SLC5A8: variants seen among roughly 807,000 people sequenced by gnomAD.
The protein encoded by SLC5A8 is solute carrier family 5 member 8.
A neutral mutation model predicts 71.9 loss-of-function variants in SLC5A8; 55 were observed. The observed-to-expected ratio is 0.77, with a 90% CI of 0.62 to 0.96. The LOEUF is 0.96. SLC5A8 is among the 40% of genes least tolerant of loss of function. The pLI is 0.00. For missense variants in SLC5A8, 701 were observed against 745.3 expected (o/e 0.94, Z 0.69); for synonymous variants, 307 against 276.1 (o/e 1.11, Z -1.11).
chr12:101,196,216 T>C (rs896572239), intron 3 of SLC5A8, among the ~76,000 whole-genome samples: 2 of 152,192 alleles, frequency 1.3e-5, no homozygotes, highest in Admixed American at 6.5e-5. Flanking sequence ...TGTGTGTCCA[T>C]GTAAACACGC....
At chr12:101,172,426 T>C (rs766240549) in intron 10 of SLC5A8, among the ~76,000 whole-genome samples, 1 of 152,014 alleles carries the variant, frequency 6.6e-6, no homozygotes, top group Non-Finnish European at 1.5e-5. Flanking sequence ...TAAGGAGAGT[T>C]TGCAGGAATT....
chr12:101,185,797 C>G (rs1426770943), intron 7 of SLC5A8, among the ~76,000 whole-genome samples: 1 of 152,116 alleles, frequency 6.6e-6, no homozygotes, highest in Non-Finnish European at 1.5e-5. Flanking sequence ...AGGCTGGTCT[C>G]GAACTCCTGA....
intron 13 of SLC5A8, among the ~76,000 whole-genome samples, chr12:101,158,588 CTCTCTCTCTCTATATA>C (rs1433765455): frequency 3.0e-3 from 113 of 38,038 alleles, no homozygotes; most frequent in Admixed American, 8.0e-3. Context: ...CTCTCTCTCT[CTCTCTCTCTCTATATA>C]TATATATATA....
chr12:101,186,103 C>G (rs1278673606), intron 7 of SLC5A8, among the ~76,000 whole-genome samples: 1 of 147,682 alleles, frequency 6.8e-6, no homozygotes, highest in Non-Finnish European at 1.5e-5. Context: ...TTTTTTTGGC[C>G]CAGGGTAAAG....
chr12:101,189,481 A>C (rs1593377067), intron 6 of SLC5A8, among the ~76,000 whole-genome samples: 1 of 152,048 alleles, frequency 6.6e-6, no homozygotes, highest in Admixed American at 6.6e-5. Flanking sequence ...CCCTCACCCT[A>C]TCCACCCTGG....
In SLC5A8 at chr12:101,180,087, T is replaced by C; in HGVS notation, c.1175A>G (p.Tyr392Cys). The change falls in exon 10 of 15, where the codon TAT becomes TGT. Residue 392 changes from tyrosine to cysteine, a missense_variant. Physicochemically the swap from Tyr to Cys is radical, Grantham distance 194 (BLOSUM62 -2). Transcript: ENST00000536262. ...AGCCATTCCAATACACAGGGCTCCA[T>C]ACACCACACCTAAATGGACAACATA... ...SWISQGMSVV[Y>C]GALCIGMAAL... 1 of 1,614,084 alleles carries C rather than the reference T, an allele frequency of 6.2e-7. No homozygotes were observed. Among genetic ancestry groups the C allele is most frequent in the Non-Finnish European group, 8.5e-7 (1 of 1,179,992 alleles).
chr12:101,209,810 C>G lies in SLC5A8; in HGVS notation c.39G>C (p.Trp13Cys), dbSNP rs746545595. The change falls in exon 1 of 15, where the codon TGG becomes TGC. Residue 13 changes from tryptophan to cysteine, a missense_variant. Physicochemically the swap from Trp to Cys is radical, Grantham distance 215 (BLOSUM62 -2). Coordinates refer to ENST00000536262, the MANE Select transcript of SLC5A8 (RefSeq NM_145913.5). ...GCATGCCCGCGAACACCACGTAGTC[C>G]CACACCACGAAGGTGCCGATGCCCC... ...TPRGIGTFVV[W>C]DYVVFAGMLV... The G allele has an allele frequency of 6.3e-7, 1 of 1,590,348 alleles. No individual in the cohort carries two copies. Among genetic ancestry groups the G allele is most frequent in the South Asian group, 1.1e-5 (1 of 87,602 alleles).
At chr12:101,162,565 A>G (rs116098946) in intron 12 of SLC5A8, among the ~76,000 whole-genome samples, 6,535 of 152,322 alleles carry the variant, frequency 0.043, 482 homozygotes, top group African/African-American at 0.15. Context: ...TGCAGCCATG[A>G]AAAAAGAACA....
At chr12:101,172,082 C>A (rs1471149873) in intron 10 of SLC5A8, among the ~76,000 whole-genome samples, 1 of 152,076 alleles carries the variant, frequency 6.6e-6, no homozygotes, top group East Asian at 1.9e-4. Context: ...GTCAAAGATC[C>A]AAAATCGTGA....
At chr12:101,188,414 C>T (rs1240116752) in intron 6 of SLC5A8, among the ~76,000 whole-genome samples, 1 of 152,120 alleles carries the variant, frequency 6.6e-6, no homozygotes, top group Non-Finnish European at 1.5e-5. Flanking sequence ...ATGAGCTGCC[C>T]GAGGTGGAAA....
At chr12:101,176,670 C>G (rs1260724942) in intron 10 of SLC5A8, among the ~76,000 whole-genome samples, 3 of 151,848 alleles carry the variant, frequency 2.0e-5, no homozygotes, top group Non-Finnish European at 4.4e-5. Flanking sequence ...AAACTAAGTA[C>G]CATACTTCTA....
chr12:101,159,645 T>C (rs960165984), intron 13 of SLC5A8, among the ~76,000 whole-genome samples: 4 of 152,210 alleles, frequency 2.6e-5, no homozygotes, highest in Non-Finnish European at 5.9e-5. Context: ...GTGTTTTCTA[T>C]TACTGGATCC....
At chr12:101,200,029 AAAAAAAAAAAAAAAAAAAAAAAAAAG>A (rs1182684844) in intron 3 of SLC5A8, among the ~76,000 whole-genome samples, 4,301 of 102,920 alleles carry the variant, frequency 0.042, 208 homozygotes, top group African/African-American at 0.083. Flanking sequence ...AAAAAAAAAA[AAAAAAAAAAAAAAAAAAAAAAAAAAG>A]GGAATGAACT....
At chr12:101,184,973 A>T (rs922293601) in intron 7 of SLC5A8, among the ~76,000 whole-genome samples, 1 of 152,230 alleles carries the variant, frequency 6.6e-6, no homozygotes, top group South Asian at 2.1e-4. Context: ...CTAAGTGGAC[A>T]ATTTTCTCGA....
At chr12:101,172,789 G>T (rs1364658701) in intron 10 of SLC5A8, among the ~76,000 whole-genome samples, 2 of 152,190 alleles carry the variant, frequency 1.3e-5, no homozygotes, top group African/African-American at 2.4e-5. Flanking sequence ...AGGACCTACA[G>T]AGCTCAATTA....
At chr12:101,157,482 T>C (rs2051676444) in intron 14 of SLC5A8, 81 bp from the exon 15 acceptor site, 1 of 1,462,882 alleles carries the variant, frequency 6.8e-7, no homozygotes, top group South Asian at 1.4e-5. Flanking sequence ...TTGTTTCTAC[T>C]ATTTTTATTT....
At chr12:101,202,238 A>G in intron 2 of SLC5A8, 23 bp from the exon 3 acceptor site, 1 of 1,537,638 alleles carries the variant, frequency 6.5e-7, no homozygotes, top group Non-Finnish European at 8.7e-7. Context: ...AAGAAAGCCA[A>G]ATGAATTATA....
chr12:101,196,959 C>T (rs1053803541), intron 3 of SLC5A8, among the ~76,000 whole-genome samples: 1 of 152,174 alleles, frequency 6.6e-6, no homozygotes, highest in African/African-American at 2.4e-5. Context: ...GTCCAATATG[C>T]AGCCAAGGCT....
chr12:101,189,159 GAGA>G lies in SLC5A8; in HGVS notation c.833+1306_833+1308del, dbSNP rs752023330. On this transcript the variant is annotated intron_variant, in intron 6 of 14. Transcript: ENST00000536262. ...TTTGGGTTTCATGTTCCCAAGGGAAGAGAAGAAGAGCTTGTCCACAATTACTCT... is the reference window on the plus strand; with the variant it reads ...TTTGGGTTTCATGTTCCCAAGGGAAGAGAAGAGCTTGTCCACAATTACTCT... 4.2e-4 allele frequency among the ~76,000 whole-genome samples: 64 copies of G among 152,288 alleles called. 1 individual carries two copies. Among genetic ancestry groups the G allele is most frequent in the Non-Finnish European group, 5.6e-4 (38 of 68,020 alleles).
Sources: gnomAD v4.1 joint callset for allele counts (sites outside exome capture counted in the v4.1 genomes callset) on GRCh38, gnomAD v4.1.1 for gene constraint, MANE v1.5 for transcripts, NCBI Gene and HGNC (gene_info 2026-07-23, HGNC 2026-07-21) for gene names.